The following ZEB2 variants were observed in gnomAD, a reference collection of about 807,000 sequenced individuals.
ZEB2 encodes the protein zinc finger E-box binding homeobox 2.
Under a neutral mutation model 99.9 loss-of-function variants are expected in ZEB2, and 6 were observed. The ratio of observed to expected loss-of-function variants is 0.06; its 90% CI spans 0.03 to 0.12. The LOEUF is 0.12. ZEB2 is among the 10% of genes least tolerant of loss of function. The probability of loss-of-function intolerance (pLI) is 1.00; values close to 1 mark genes in which losing one functional copy is unlikely to be tolerated. For synonymous variants in ZEB2, 517 were observed against 542.5 expected, an observed-to-expected ratio of 0.95 and a Z score of 0.65; for missense variants, 969 against 1,502.8, an observed-to-expected ratio of 0.64 and a Z score of 5.87.
At chr2:144,437,459 G>A (rs1703853525) in intron 2 of ZEB2, among the ~76,000 whole-genome samples, 1 of 152,126 alleles carries the variant, frequency 6.6e-6, no homozygotes, top group Admixed American at 6.5e-5. Flanking sequence ...TCTAATTATT[G>A]GAATCCACGA....
chr2:144,494,491 T>C (rs1460552389), intron 2 of ZEB2: 1 of 152,258 alleles, frequency 6.6e-6, no homozygotes, highest in African/African-American at 2.4e-5. Context: ...TTGGACAATG[T>C]AAATTCATTT....
intron 2 of ZEB2, chr2:144,445,119 T>G (rs1703965598): frequency 6.6e-6 from 1 of 152,188 alleles, no homozygotes; most frequent in South Asian, 2.1e-4. Flanking sequence ...ATTAAAACAT[T>G]TGCAAATATT....
chr2:144,450,305 C>T (rs1010543195), intron 2 of ZEB2: 2 of 152,174 alleles, frequency 1.3e-5, no homozygotes, highest in African/African-American at 4.8e-5. Flanking sequence ...GTTTTGAGAG[C>T]TGAATTACAT....
intron 2 of ZEB2, among the ~76,000 whole-genome samples, chr2:144,506,565 T>C (rs1272384752): frequency 6.6e-6 from 1 of 152,230 alleles, no homozygotes; most frequent in Non-Finnish European, 1.5e-5. Context: ...GAATAGGCAA[T>C]TGCAATTTCC....
intron 6 of ZEB2, among the ~76,000 whole-genome samples, chr2:144,403,581 T>C (rs1042861981): frequency 1.3e-5 from 2 of 152,172 alleles, no homozygotes; most frequent in Non-Finnish European, 2.9e-5. Flanking sequence ...AAAAATGGAA[T>C]TAAAATTGCT....
chr2:144,506,482 T>C (rs566883225), intron 2 of ZEB2, among the ~76,000 whole-genome samples: 1 of 152,322 alleles, frequency 6.6e-6, no homozygotes, highest in African/African-American at 2.4e-5. Flanking sequence ...CTCTTAAAAC[T>C]GAGAATTCTC....
At chr2:144,407,697 A>G (rs1703407361) in intron 4 of ZEB2, among the ~76,000 whole-genome samples, 1 of 152,206 alleles carries the variant, frequency 6.6e-6, no homozygotes, top group Admixed American at 6.5e-5. Context: ...GACAGCACAA[A>G]GTAACGTAAT....
At position 144,387,274 on chromosome 2, in the gene ZEB2, A is replaced by G. The variant is rs969279963; in HGVS notation, c.*2177T>C. 3.3e-5 allele frequency: 5 copies of G among 152,084 alleles called. No homozygotes were observed. 9.4% of individuals were successfully genotyped at this position (152,084 alleles called of 1,614,324 possible). Reference sequence around the variant, plus strand: ...AAGTAGAAAAAATACATGGACAGCTACTATATTATAGTTCTGTATATTCAA... The same window carrying G: ...AAGTAGAAAAAATACATGGACAGCTGCTATATTATAGTTCTGTATATTCAA... On this transcript the variant is annotated 3_prime_UTR_variant, in exon 10 of 10. Coordinates refer to ENST00000627532, the MANE Select transcript of ZEB2 (RefSeq NM_014795.4).
chr2:144,389,718 C>T lies in ZEB2; in HGVS notation c.3378G>A (p.Glu1126=), dbSNP rs1703129681. ...ITPQGYSDSE[E]RESMPRDGES... is the part of the protein sequence containing the mutation. ...CGCCATCCCTCGGCATACTCTCCCT[C>T]TCCTCCGAGTCAGAGTACCCCTGAG... Residue 1126 remains glutamate, a synonymous_variant, in exon 10 of 10, where the codon GAG becomes GAA. Transcript: ENST00000627532. This position sits in a 1 kb window ranked among gnomAD's most constrained non-coding sequence, Gnocchi z 6.8. 3.7e-6 allele frequency: 6 copies of T among 1,613,424 alleles called. No homozygotes were observed. Among genetic ancestry groups the T allele is most frequent in the Non-Finnish European group, 5.1e-6 (6 of 1,179,522 alleles).
chr2:144,498,069 A>T (rs1420145098), intron 2 of ZEB2, among the ~76,000 whole-genome samples: 21 of 65,980 alleles, frequency 3.2e-4, no homozygotes, highest in Non-Finnish European at 4.8e-4. Context: ...ATATATATTA[A>T]TATTATATAT....
rs553542674 is a variant in ZEB2 at position 144,413,877 on chromosome 2, T to C, written c.404-8853A>G. Among the ~76,000 whole-genome samples, 10 of 152,310 alleles carry C rather than the reference T, an allele frequency of 6.6e-5. 1 individual carries two copies. In the South Asian group the frequency reaches 2.1e-3, roughly 32 times the overall value. On this transcript the variant is annotated intron_variant, in intron 4 of 9. Transcript: ENST00000627532. ...CTAATTTAAAAGTTTTAATTTAAGC[T>C]CCATGTTAAGAGGAACAGGAGAAAT...
intron 2 of ZEB2, among the ~76,000 whole-genome samples, chr2:144,509,095 C>T (rs1196482118): frequency 6.6e-6 from 1 of 152,030 alleles, no homozygotes; most frequent in Admixed American, 6.6e-5. Context: ...TAAGACTTGT[C>T]TGAATAATAA....
At chr2:144,428,747 T>C (rs1400713026) in intron 3 of ZEB2, 3 of 152,206 alleles carry the variant, frequency 2.0e-5, no homozygotes, top group East Asian at 1.9e-4. Flanking sequence ...ATTCTGCCTA[T>C]GTTTGATGGT....
At chr2:144,441,208 A>AGAGAGAGAGAGACAC (rs59338642) in intron 2 of ZEB2, among the ~76,000 whole-genome samples, 1 of 145,536 alleles carries the variant, frequency 6.9e-6, no homozygotes, top group Non-Finnish European at 1.5e-5. Flanking sequence ...AGAGAGAGAG[A>AGAGAGAGAGAGACAC]ACCTCATGCC....
chr2:144,518,005 C>T (rs143418211), intron 1 of ZEB2: 3,194 of 244,460 alleles, frequency 0.013, 56 homozygotes, highest in South Asian at 0.042. Flanking sequence ...CCCCCACCCT[C>T]GCCCCCAAAT....
rs551812448 is a variant in ZEB2, at chr2:144,439,392, G to A, written c.74-9366C>T. ...TTGCCCAGGTGAGACGGCCTGGTGC[G>A]TCCTCTCAGCCTCGACACGCGTCAA... On this transcript the variant is annotated intron_variant, in intron 2 of 9. Coordinates refer to ENST00000627532, the MANE Select transcript of ZEB2 (RefSeq NM_014795.4). 1.7e-4 allele frequency among the ~76,000 whole-genome samples: 26 copies of A among 152,284 alleles called. No homozygotes were observed. The South Asian group carries it at 5.0e-3, about 29-fold the overall frequency.
intron 2 of ZEB2, among the ~76,000 whole-genome samples, chr2:144,456,810 C>G (rs1445177096): frequency 6.6e-6 from 1 of 152,074 alleles, no homozygotes; most frequent in African/African-American, 2.4e-5. Flanking sequence ...TCAGATGACA[C>G]TGAGACTTAG....
chr2:144,427,009 C>G (rs1389271186), intron 3 of ZEB2: 1 of 152,148 alleles, frequency 6.6e-6, no homozygotes, highest in East Asian at 1.9e-4. Context: ...TATGTCTAAC[C>G]TTAAACATTC....
chr2:144,401,980 TAA>T (rs1703317227), intron 6 of ZEB2, among the ~76,000 whole-genome samples: 1 of 152,238 alleles, frequency 6.6e-6, no homozygotes, highest in Non-Finnish European at 1.5e-5. Flanking sequence ...TTATCAAACG[TAA>T]GAGACAACAT....
Sources: gnomAD v4.1 joint callset for allele counts (sites outside exome capture counted in the v4.1 genomes callset) on GRCh38, gnomAD v4.1.1 for gene constraint, Gnocchi (gnomAD v3.1) non-coding constraint, MANE v1.5 for transcripts, NCBI Gene and HGNC (gene_info 2026-07-23, HGNC 2026-07-21) for gene names.